SNTG1: variants seen among roughly 807,000 people sequenced by gnomAD.
The protein encoded by SNTG1 is syntrophin gamma 1.
SNTG1 carries 39 observed loss-of-function variants against 74.7 expected under a neutral mutation model. That is an observed-to-expected ratio of 0.52 (90% CI 0.40 to 0.68). The LOEUF (loss-of-function observed/expected upper bound fraction) is 0.68. Among genes scored for constraint, SNTG1 ranks in the 30% least tolerant of loss-of-function variants. SNTG1 has a pLI of 0.00. For missense variants in SNTG1, 685 were observed against 609.5 expected, an observed-to-expected ratio of 1.12 and a Z score of -1.30; for synonymous variants, 254 against 217.1, an observed-to-expected ratio of 1.17 and a Z score of -1.49.
At chr8:50,075,091 C>T (rs1230630615) in intron 1 of SNTG1, among the ~76,000 whole-genome samples, 2 of 152,214 alleles carry the variant, frequency 1.3e-5, no homozygotes, top group Non-Finnish European at 2.9e-5. Flanking sequence ...CCTCAGCCGC[C>T]TCCCTGAAAA....
chr8:49,986,718 C>CAA (rs10659343), intron 1 of SNTG1, among the ~76,000 whole-genome samples: 73,038 of 137,950 alleles, frequency 0.53, 21,447 homozygotes, highest in East Asian at 0.81. Context: ...ACAAAAAGTA[C>CAA]AAAAAAAAAA....
chr8:50,781,069 C>G lies in SNTG1; in HGVS notation c.1396-11602C>G, dbSNP rs543446418. 3.5e-4 allele frequency among the ~76,000 whole-genome samples: 54 copies of G among 152,240 alleles called. 1 individual carries two copies. Among genetic ancestry groups the G allele is most frequent in the Non-Finnish European group, 6.6e-4 (45 of 68,024 alleles). On this transcript the variant is annotated intron_variant, in intron 18 of 18. Coordinates refer to ENST00000642720, the MANE Select transcript of SNTG1 (RefSeq NM_018967.5). ...TTTGATTGCACTGTGGTCTGAGAGA[C>G]AGTTTGTTATCATTTCTGATCTTTT...
chr8:50,661,011 C>A (rs191106154), intron 15 of SNTG1, among the ~76,000 whole-genome samples: 1 of 152,164 alleles, frequency 6.6e-6, no homozygotes, highest in African/African-American at 2.4e-5. Context: ...TAAAATTTTA[C>A]ATTTAGTTTT....
At chr8:50,212,804 A>T (rs1934947131) in intron 2 of SNTG1, among the ~76,000 whole-genome samples, 1 of 152,212 alleles carries the variant, frequency 6.6e-6, no homozygotes, top group African/African-American at 2.4e-5. Flanking sequence ...ATTGGCTGAA[A>T]TTCAAAAGTG....
intron 17 of SNTG1, among the ~76,000 whole-genome samples, chr8:50,730,703 A>T (rs2095510897): frequency 6.6e-6 from 1 of 152,212 alleles, no homozygotes; most frequent in Non-Finnish European, 1.5e-5. Context: ...AGAATTTTTA[A>T]TGAATACAGA....
chr8:50,692,311 G>T (rs1203248728), intron 15 of SNTG1, among the ~76,000 whole-genome samples: 1 of 152,196 alleles, frequency 6.6e-6, no homozygotes, highest in African/African-American at 2.4e-5. Context: ...TTCCTTTGGA[G>T]GAGGAGAGGC....
intron 2 of SNTG1, among the ~76,000 whole-genome samples, chr8:50,278,470 CCT>C: frequency 6.6e-6 from 1 of 151,982 alleles, no homozygotes; most frequent in East Asian, 1.9e-4. Flanking sequence ...TTCAGAAATC[CCT>C]GTGATTGAAT....
At chr8:50,440,054 T>G (rs1440289183) in intron 5 of SNTG1, among the ~76,000 whole-genome samples, 1 of 151,600 alleles carries the variant, frequency 6.6e-6, no homozygotes, top group African/African-American at 2.4e-5. Flanking sequence ...AGCTTTTCAT[T>G]TTAATATTTT....
intron 1 of SNTG1, among the ~76,000 whole-genome samples, chr8:49,923,027 A>G (rs1244776052): frequency 1.3e-5 from 2 of 152,158 alleles, no homozygotes; most frequent in Non-Finnish European, 2.9e-5. Flanking sequence ...TGGAAATTCA[A>G]CTGAAAGAAT....
chr8:50,636,718 G>T (rs907999406), intron 13 of SNTG1, among the ~76,000 whole-genome samples: 2 of 152,100 alleles, frequency 1.3e-5, no homozygotes, highest in African/African-American at 4.8e-5. Flanking sequence ...GCAGCGTGAT[G>T]TTAAAATCAG....
chr8:50,428,187 G>A (rs1283357621), intron 4 of SNTG1, among the ~76,000 whole-genome samples: 1 of 152,182 alleles, frequency 6.6e-6, no homozygotes, highest in Non-Finnish European at 1.5e-5. Flanking sequence ...GCATATGCCT[G>A]TAGTCCTAGA....
At chr8:50,420,058 C>T (rs76035584) in intron 4 of SNTG1, among the ~76,000 whole-genome samples, 7,112 of 151,880 alleles carry the variant, frequency 0.047, 218 homozygotes, top group Middle Eastern at 0.095. Flanking sequence ...GAAGTTCTAA[C>T]ATGTATTTGA....
At chr8:50,248,914 A>T (rs1227949789) in intron 2 of SNTG1, among the ~76,000 whole-genome samples, 3 of 152,196 alleles carry the variant, frequency 2.0e-5, no homozygotes, top group African/African-American at 7.2e-5. Flanking sequence ...GCCTCAGCTT[A>T]CAAAGTGACT....
chr8:50,693,330 C>T (rs6986116), intron 15 of SNTG1, among the ~76,000 whole-genome samples: 3,399 of 152,174 alleles, frequency 0.022, 107 homozygotes, highest in African/African-American at 0.072. Context: ...AGAAATCACC[C>T]GTCTTCTGCA....
intron 13 of SNTG1, among the ~76,000 whole-genome samples, chr8:50,632,253 T>C (rs1317552978): frequency 8.6e-5 from 13 of 151,870 alleles, no homozygotes; most frequent in African/African-American, 2.7e-4. Flanking sequence ...ATAAATATCA[T>C]GGCATGTATT....
At chr8:50,010,025 T>G (rs1815622124) in intron 1 of SNTG1, among the ~76,000 whole-genome samples, 1 of 152,160 alleles carries the variant, frequency 6.6e-6, no homozygotes, top group African/African-American at 2.4e-5. Context: ...TTCTTGATTC[T>G]CCTTTTTGTT....
At chr8:50,115,808 CTT>C (rs1209636723) in intron 1 of SNTG1, among the ~76,000 whole-genome samples, 3 of 151,996 alleles carry the variant, frequency 2.0e-5, no homozygotes, top group Admixed American at 1.3e-4. Context: ...TAGCTTAAGA[CTT>C]ATTTTATTTT....
chr8:50,321,290 A>G (rs1046693362), intron 2 of SNTG1, among the ~76,000 whole-genome samples: 11 of 151,690 alleles, frequency 7.3e-5, no homozygotes, highest in African/African-American at 2.7e-4. Context: ...ATATTACCTT[A>G]TTTGTCTCTT....
intron 17 of SNTG1, among the ~76,000 whole-genome samples, chr8:50,744,521 A>G (rs2095550859): frequency 6.6e-6 from 1 of 152,016 alleles, no homozygotes; most frequent in Admixed American, 6.6e-5. Context: ...TCAAAATGTC[A>G]CTGATATTTT....
Sources: allele counts gnomAD v4.1 joint callset (sites outside exome capture counted in the v4.1 genomes callset), GRCh38; gene constraint gnomAD v4.1.1; transcripts MANE v1.5; gene names NCBI Gene and HGNC (gene_info 2026-07-23, HGNC 2026-07-21).